NAV3: variants seen among roughly 807,000 people sequenced by gnomAD.
NAV3 encodes the protein pore membrane and/or filament interacting like protein 1.
A neutral mutation model predicts 244.7 loss-of-function variants in NAV3; 87 were observed. The observed-to-expected ratio is 0.36, with a 90% confidence interval of 0.30 to 0.42. The LOEUF (loss-of-function observed/expected upper bound fraction) is 0.42, where lower values mean the gene tolerates loss of function less well. Among genes scored for constraint, NAV3 ranks in the 20% least tolerant of loss-of-function variants. The pLI, the probability that NAV3 is intolerant of heterozygous loss-of-function variation, is 1.00. For missense variants in NAV3, 2,663 were observed against 2,893.3 expected (o/e 0.92, Z 1.83); for synonymous variants, 1,126 against 1,042.2 (o/e 1.08, Z -1.55).
Position 77,965,828 on chromosome 12 carries a change from G to A in NAV3, c.415-401G>A, listed in dbSNP as rs762689046. Among the ~76,000 whole-genome samples the A allele has an allele frequency of 5.3e-5, 8 of 152,012 alleles. No individual in the cohort carries two copies. The South Asian group carries it at 1.2e-3, about 24-fold the overall frequency. On this transcript the variant is annotated intron_variant, in intron 3 of 39. Coordinates refer to ENST00000397909, the MANE Select transcript of NAV3 (RefSeq NM_001024383.2). ...TGTCTCCATCTATCTATCTTTTGACGTACTTGACAAACACTGCTGGTTGAA... is the reference window on the plus strand; with the variant it reads ...TGTCTCCATCTATCTATCTTTTGACATACTTGACAAACACTGCTGGTTGAA...
At chr12:77,840,277 A>G (rs1199643099) in intron 1 of NAV3, among the ~76,000 whole-genome samples, 4 of 152,208 alleles carry the variant, frequency 2.6e-5, no homozygotes, top group African/African-American at 9.6e-5. Flanking sequence ...GATGGGCATT[A>G]AATGCCATTG....
Position 77,691,327 on chromosome 12 carries a change from G to GTATATATATATATA in NAV3, c.72+119062_72+119063insATATATATATATAT, listed in dbSNP as rs1565774001. On this transcript the variant is annotated intron_variant, in intron 2 of 8. Transcript: ENST00000550042. ...TCTATATAGTCATATATAAGTATTT[G>GTATATATATATATA]TGTATGTGTGTATATATATATATAT... Among the ~76,000 whole-genome samples the GTATATATATATATA allele has an allele frequency of 5.0e-4, 5 of 10,078 alleles. No individual in the cohort carries two copies. The East Asian group carries it at 0.065, about 131-fold the overall frequency. The allele number at this position is 10,078 out of a possible 152,430, so 6.6% of individuals were successfully genotyped here. A position where few individuals can be genotyped will look rare whatever the true frequency, so the allele number is the denominator to read the frequency against.
At chr12:78,088,492 T>G (rs940174909) in intron 12 of NAV3, among the ~76,000 whole-genome samples, 5 of 152,098 alleles carry the variant, frequency 3.3e-5, no homozygotes, top group African/African-American at 9.7e-5. Flanking sequence ...TCCCTTAGTT[T>G]GTTGACATGC....
intron 2 of NAV3, among the ~76,000 whole-genome samples, chr12:77,614,937 G>A (rs964914759): frequency 6.6e-6 from 1 of 152,172 alleles, no homozygotes; most frequent in Non-Finnish European, 1.5e-5. Flanking sequence ...AGAGGTGGTA[G>A]CAACATCTGG....
intron 2 of NAV3, among the ~76,000 whole-genome samples, chr12:77,660,629 T>A (rs1409272904): frequency 6.6e-6 from 1 of 152,158 alleles, no homozygotes; most frequent in East Asian, 1.9e-4. Context: ...TGTATGTATA[T>A]TATATACGTG....
chr12:77,734,850 C>T (rs920599066), intron 2 of NAV3, among the ~76,000 whole-genome samples: 15 of 152,012 alleles, frequency 9.9e-5, no homozygotes, highest in African/African-American at 1.4e-4. Flanking sequence ...AATACTAGAA[C>T]GCAAAAACAA....
chr12:78,005,199 A>G (rs1873987987), intron 7 of NAV3, among the ~76,000 whole-genome samples: 1 of 151,960 alleles, frequency 6.6e-6, no homozygotes, highest in Admixed American at 6.5e-5. Flanking sequence ...CAAAGAGATG[A>G]GAAAAAATGA....
At chr12:77,775,581 CT>C (rs1870313796) in intron 2 of NAV3, among the ~76,000 whole-genome samples, 1 of 152,046 alleles carries the variant, frequency 6.6e-6, no homozygotes, top group African/African-American at 2.4e-5. Flanking sequence ...TTATAATAGC[CT>C]GTTACTTTAT....
chr12:77,873,773 T>TATATATATATATATATAAAA (rs762527287), intron 1 of NAV3, among the ~76,000 whole-genome samples: 3 of 128,626 alleles, frequency 2.3e-5, no homozygotes, highest in African/African-American at 8.6e-5. Context: ...TATATGTATA[T>TATATATATATATATATAAAA]AACAGCATAT....
intron 2 of NAV3, among the ~76,000 whole-genome samples, chr12:77,754,237 A>G (rs1386863608): frequency 6.6e-6 from 1 of 152,036 alleles, no homozygotes; most frequent in Admixed American, 6.6e-5. Context: ...TCAAGCTGAT[A>G]TTGGCATGAG....
At chr12:78,147,709 G>A (rs1363495506) in intron 21 of NAV3, among the ~76,000 whole-genome samples, 1 of 151,776 alleles carries the variant, frequency 6.6e-6, no homozygotes, top group Non-Finnish European at 1.5e-5. Context: ...TTGTTAGAGT[G>A]TTTGAGTTGA....
chr12:78,188,361 C>T lies in NAV3; in HGVS notation c.5886+18C>T, dbSNP rs900659807. 1.3e-6 allele frequency: 2 copies of T among 1,559,030 alleles called. No individual in the cohort carries two copies. The highest frequency in any genetic ancestry group is 1.7e-4 in the Middle Eastern group (1 of 5,918). ...TCTTTAAGGTATGTTGTGCAAGACA[C>T]CCTAATAGTACTTTTCAAATATGTT... On this transcript the variant is annotated intron_variant, in intron 32 of 39. Transcript: ENST00000397909.
Position 77,605,474 on chromosome 12 carries a change from C to G in NAV3, c.72+33208C>G, listed in dbSNP as rs188687465. Among the ~76,000 whole-genome samples the G allele has an allele frequency of 3.5e-4, 53 of 152,134 alleles. 1 individual carries two copies. The highest frequency in any genetic ancestry group is 1.3e-3 in the African/African-American group (53 of 41,522). On this transcript the variant is annotated intron_variant, in intron 2 of 8. Coordinates refer to the NAV3 transcript ENST00000550042. ...CCATTTAGTTGTATTTGTTCAAACCCAAGTAAGAAGAAATATAACAGTTCT... is the reference window on the plus strand; with the variant it reads ...CCATTTAGTTGTATTTGTTCAAACCGAAGTAAGAAGAAATATAACAGTTCT...
intron 12 of NAV3, chr12:78,091,687 T>C (rs1279810815): frequency 6.7e-6 from 1 of 148,674 alleles, no homozygotes; most frequent in East Asian, 2.0e-4. Context: ...TCCCAGCTAC[T>C]TGGGAGGCTG....
chr12:78,164,820 G>A (rs1000404415), intron 23 of NAV3, among the ~76,000 whole-genome samples: 6 of 152,022 alleles, frequency 3.9e-5, no homozygotes, highest in Non-Finnish European at 8.8e-5. Flanking sequence ...AGCAGATGTG[G>A]TGGAAAATTT....
upstream of NAV3, among the ~76,000 whole-genome samples, chr12:77,829,487 A>G (rs529767807): frequency 1.2e-4 from 18 of 152,290 alleles, no homozygotes; most frequent in Admixed American, 6.5e-4. Context: ...CAAGTTGCAT[A>G]TGTCTTATTA....
intron 2 of NAV3, among the ~76,000 whole-genome samples, chr12:77,664,905 C>T (rs1390494300): frequency 6.6e-6 from 1 of 151,986 alleles, no homozygotes; most frequent in East Asian, 1.9e-4. Flanking sequence ...TTTTATTTTA[C>T]TTATTTGTTT....
chr12:78,107,411 G>T (rs1954857403), intron 12 of NAV3, among the ~76,000 whole-genome samples: 1 of 151,980 alleles, frequency 6.6e-6, no homozygotes, highest in African/African-American at 2.4e-5. Flanking sequence ...TCCCCAGGCC[G>T]ATAAAACGCA....
intron 2 of NAV3, among the ~76,000 whole-genome samples, chr12:77,805,594 T>A (rs1030339103): frequency 6.6e-6 from 1 of 152,236 alleles, no homozygotes; most frequent in African/African-American, 2.4e-5. Flanking sequence ...TATTTTTGCA[T>A]CAGTGTTCTT....
Sources: gnomAD v4.1 joint callset for allele counts (sites outside exome capture counted in the v4.1 genomes callset) on GRCh38, gnomAD v4.1.1 for gene constraint, MANE v1.5 for transcripts, NCBI Gene and HGNC (gene_info 2026-07-23, HGNC 2026-07-21) for gene names.